Variants in CD2 observed in about 807,000 individuals in gnomAD.
CD2 encodes the protein CD2 molecule.
Under a neutral mutation model 23.2 loss-of-function variants are expected in CD2, and 18 were observed. That is an observed-to-expected ratio of 0.77 (90% CI 0.54 to 1.15). CD2 has a LOEUF of 1.15. CD2 is among the 50% of genes most tolerant of loss of function. The pLI is 0.00. For synonymous variants in CD2, 162 were observed against 151.9 expected (o/e 1.07, Z -0.49); for missense variants, 424 against 423.1 (o/e 1.00, Z -0.02).
At chr1:116,763,441 C>T (rs996486973) in intron 3 of CD2, among the ~76,000 whole-genome samples, 2 of 152,174 alleles carry the variant, frequency 1.3e-5, no homozygotes, top group Non-Finnish European at 2.9e-5. Context: ...ACCCGAGCCC[C>T]ACTGCTGCTT....
At chr1:116,758,732 G>A (rs1296608498) in intron 2 of CD2, among the ~76,000 whole-genome samples, 2 of 152,132 alleles carry the variant, frequency 1.3e-5, no homozygotes, top group African/African-American at 4.8e-5. Flanking sequence ...ATTTAGCATT[G>A]CGGCGGAAAT....
Position 116,760,637 on chromosome 1 carries a change from G to A in CD2, c.613+5G>A, listed in dbSNP as rs968715247. 3.8e-5 allele frequency: 61 copies of A among 1,610,730 alleles called. No homozygotes were observed. The highest frequency in any genetic ancestry group is 4.8e-5 in the Non-Finnish European group (56 of 1,177,118). On this transcript the variant is annotated splice_donor_5th_base_variant and intron_variant, in intron 3 of 4. Transcript: ENST00000369478. ...TCGAGCCTGTCAGCTGTCCAGGTGCGTGGCGGGCATCACTTCACAAACACA... is the reference window on the plus strand; with the variant it reads ...TCGAGCCTGTCAGCTGTCCAGGTGCATGGCGGGCATCACTTCACAAACACA...
At chr1:116,768,439 C>T in intron 4 of CD2, 25 bp from the exon 5 acceptor site, 1 of 1,600,794 alleles carries the variant, frequency 6.2e-7, no homozygotes, top group Non-Finnish European at 8.5e-7. Flanking sequence ...CCAAGATGAA[C>T]TCTATTGAGG....
At chr1:116,757,742 T>C (rs1366879217) in intron 2 of CD2, among the ~76,000 whole-genome samples, 1 of 147,432 alleles carries the variant, frequency 6.8e-6, no homozygotes, top group African/African-American at 2.5e-5. Context: ...AAATATTACA[T>C]ATATATATAT....
At chr1:116,763,935 G>A (rs1652132233) in intron 3 of CD2, among the ~76,000 whole-genome samples, 1 of 152,138 alleles carries the variant, frequency 6.6e-6, no homozygotes, top group South Asian at 2.1e-4. Flanking sequence ...GGCTGGACAA[G>A]TGAAATATTT....
chr1:116,754,506 G>T lies in CD2; in HGVS notation c.14G>T (p.Cys5Phe). The T allele has an allele frequency of 6.2e-7, 1 of 1,614,022 alleles. No homozygotes were observed. Among genetic ancestry groups the T allele is most frequent in the Non-Finnish European group, 8.5e-7 (1 of 1,179,990 alleles). The part of the protein sequence containing the change: MSFP[C>F]KFVASFLLIF... ...CCAACCCCTAAGATGAGCTTTCCAT[G>T]TAAATTTGTAGCCAGCTTCCTTCTG... Residue 5 changes from cysteine (C) to phenylalanine (F), a missense_variant, in exon 1 of 5, where the codon TGT (cysteine) becomes TTT (phenylalanine). Physicochemically the swap from Cys to Phe is radical, Grantham distance 205. Transcript: ENST00000369478.
chr1:116,755,117 G>T, intron 2 of CD2, 166 bp downstream of exon 2: 1 of 609,284 alleles, frequency 1.6e-6, no homozygotes, highest in Non-Finnish European at 2.9e-6. Context: ...GTCCAATGCG[G>T]GAATGGGATC....
At position 116,768,796 on chromosome 1, in the gene CD2, C is replaced by G. The variant is rs572726294; in HGVS notation, c.*13C>G. The G allele has an allele frequency of 6.3e-7, 1 of 1,597,182 alleles. No homozygotes were observed. The highest frequency in any genetic ancestry group is 8.5e-7 in the Non-Finnish European group (1 of 1,172,280). On this transcript the variant is annotated 3_prime_UTR_variant, in exon 5 of 5. Coordinates refer to ENST00000369478, the MANE Select transcript of CD2 (RefSeq NM_001767.5). ...TTCCTCTAATTAAAAAAGATAGAAA[C>G]TGTCTTTTTCAATAAAAAGCACTGT...
At chr1:116,757,361 C>T (rs866936656) in intron 2 of CD2, among the ~76,000 whole-genome samples, 25 of 152,140 alleles carry the variant, frequency 1.6e-4, no homozygotes, top group African/African-American at 5.1e-4. Context: ...CTGCTGCAGG[C>T]TGAAGAGGCA....
intron 4 of CD2, among the ~76,000 whole-genome samples, chr1:116,766,750 C>G (rs1652227957): frequency 6.6e-6 from 1 of 151,926 alleles, no homozygotes. Flanking sequence ...GTAGTCCCAG[C>G]TAGTCAGGAG....
chr1:116,767,289 A>G (rs900163754), intron 4 of CD2, among the ~76,000 whole-genome samples: 1 of 152,054 alleles, frequency 6.6e-6, no homozygotes, highest in African/African-American at 2.4e-5. Context: ...CATCTCCATA[A>G]AGATGTAAGA....
chr1:116,755,122 G>A (rs1468151744), intron 2 of CD2, 171 bp downstream of exon 2: 3 of 613,178 alleles, frequency 4.9e-6, no homozygotes, highest in Admixed American at 3.1e-5. Flanking sequence ...ATGCGGGAAT[G>A]GGATCCACAC....
intron 2 of CD2, among the ~76,000 whole-genome samples, chr1:116,757,034 T>C (rs1651874791): frequency 1.3e-5 from 2 of 151,486 alleles, no homozygotes; most frequent in Admixed American, 1.3e-4. Flanking sequence ...TCTTGCTCTG[T>C]TGCCCAGGCT....
chr1:116,761,871 C>A (rs762056603), intron 3 of CD2, among the ~76,000 whole-genome samples: 1 of 152,186 alleles, frequency 6.6e-6, no homozygotes, highest in Non-Finnish European at 1.5e-5. Flanking sequence ...TGCTCTGTTG[C>A]CAAGGCTGGA....
intron 4 of CD2, among the ~76,000 whole-genome samples, chr1:116,764,963 T>A (rs768663012): frequency 6.6e-6 from 1 of 152,154 alleles, no homozygotes; most frequent in Non-Finnish European, 1.5e-5. Context: ...GGAATAAATG[T>A]CCTATCTATG....
rs1220204424 is a variant in CD2, at chr1:116,768,902, T to C, written c.*119T>C. 1 of 1,029,366 alleles carries C rather than the reference T, an allele frequency of 9.7e-7. No homozygotes were observed. The highest frequency in any genetic ancestry group is 1.6e-5 in the African/African-American group (1 of 61,500). 63.8% of individuals were successfully genotyped at this position (1,029,366 alleles called of 1,614,324 possible). A position where few individuals can be genotyped will look rare whatever the true frequency, so the allele number is the denominator to read the frequency against. The stretch of plus-strand genomic sequence containing the variant: ...GCAGAACATTGTCACCTCCTGAGGC[T>C]GTGGGCCACAGCCACCTCTGCATCT... On this transcript the variant is annotated 3_prime_UTR_variant, in exon 5 of 5. Transcript: ENST00000369478.
chr1:116,765,893 C>G (rs564209553), intron 4 of CD2, among the ~76,000 whole-genome samples: 1 of 152,380 alleles, frequency 6.6e-6, no homozygotes, highest in East Asian at 1.9e-4. Flanking sequence ...TGTTTTATGT[C>G]TATTAGTGCA....
At chr1:116,758,678 G>A (rs563453220) in intron 2 of CD2, among the ~76,000 whole-genome samples, 95 of 152,256 alleles carry the variant, frequency 6.2e-4, no homozygotes, top group African/African-American at 2.1e-3. Flanking sequence ...TTGAGTGTGA[G>A]CCCTACATGG....
chr1:116,758,748 C>T (rs1651942964), intron 2 of CD2, among the ~76,000 whole-genome samples: 1 of 152,132 alleles, frequency 6.6e-6, no homozygotes, highest in Non-Finnish European at 1.5e-5. Flanking sequence ...GAAATAATGG[C>T]TACCAGTTAG....
Sources: gnomAD v4.1 joint callset for allele counts (sites outside exome capture counted in the v4.1 genomes callset) on GRCh38, gnomAD v4.1.1 for gene constraint, MANE v1.5 for transcripts, NCBI Gene and HGNC (gene_info 2026-07-23, HGNC 2026-07-21) for gene names.